The following ACTR5 variants were observed in gnomAD, a reference collection of about 807,000 sequenced individuals.
The protein encoded by ACTR5 is actin related protein 5, also known as actin-related protein 5.
Under a neutral mutation model 61.2 loss-of-function variants are expected in ACTR5, and 43 were observed. The ratio of observed to expected loss-of-function variants is 0.70; its 90% confidence interval spans 0.55 to 0.91. ACTR5 has a LOEUF of 0.91. Among genes scored for constraint, ACTR5 ranks in the 40% least tolerant of loss-of-function variants. ACTR5 has a pLI of 0.00. For synonymous variants in ACTR5, 333 were observed against 310.5 expected, an observed-to-expected ratio of 1.07 and a Z score of -0.76; for missense variants, 798 against 782.2, an observed-to-expected ratio of 1.02 and a Z score of -0.24.
chr20:38,764,403 CAG>C (rs2084473201), intron 5 of ACTR5, among the ~76,000 whole-genome samples: 1 of 152,224 alleles, frequency 6.6e-6, no homozygotes, highest in African/African-American at 2.4e-5. Flanking sequence ...AGTCTAATGA[CAG>C]ATGGCTAAAG....
chr20:38,749,223 CAT>C (rs1374794521), intron 1 of ACTR5, among the ~76,000 whole-genome samples: 1 of 152,122 alleles, frequency 6.6e-6, no homozygotes, highest in East Asian at 1.9e-4. Flanking sequence ...AGACAGTAAA[CAT>C]AGAAATAGTA....
chr20:38,759,677 A>G lies in ACTR5; in HGVS notation c.1176+3638A>G, dbSNP rs2084441908. Among the ~76,000 whole-genome samples the G allele has an allele frequency of 2.0e-5, 3 of 152,162 alleles. No homozygotes were observed. The South Asian group carries it at 6.2e-4, about 32-fold the overall frequency. ...TATCCCAGGGGCCCACCACTCAGTG[A>G]CAGGTGCAGTATACCAGGGATGCAG... On this transcript the variant is annotated intron_variant, in intron 5 of 8. Transcript: ENST00000243903.
chr20:38,753,765 A>G (rs1568634523), intron 3 of ACTR5, among the ~76,000 whole-genome samples: 1 of 151,880 alleles, frequency 6.6e-6, no homozygotes, highest in African/African-American at 2.4e-5. Flanking sequence ...AATTAGTTTT[A>G]ATTATTCATA....
intron 3 of ACTR5, among the ~76,000 whole-genome samples, chr20:38,753,205 CT>C (rs530952163): frequency 1.3e-5 from 2 of 150,904 alleles, no homozygotes; most frequent in Non-Finnish European, 3.0e-5. Context: ...GGTATTGACT[CT>C]TTTTTTTTAG....
At position 38,752,221 on chromosome 20, in the gene ACTR5, G is replaced by T. The variant is rs186272506; in HGVS notation, c.696G>T (p.Gly232=). Residue 232 remains glycine (G), a synonymous_variant, in exon 3 of 9, where the codon GGG becomes GGT. Transcript: ENST00000243903. ...GTCTCCTCCAGCTGAAGTACCCTGGGCACCTGGCAGCCATCACCCTCAGCC... is the reference window on the plus strand; with the variant it reads ...GTCTCCTCCAGCTGAAGTACCCTGGTCACCTGGCAGCCATCACCCTCAGCC... ...LQRLLQLKYP[G]HLAAITLSRM... The T allele has an allele frequency of 1.9e-6, 3 of 1,614,092 alleles. No individual in the cohort carries two copies. The highest frequency in any genetic ancestry group is 3.3e-5 in the Admixed American group (2 of 60,012).
In ACTR5 at chr20:38,752,317, T is replaced by A; in HGVS notation, c.775+17T>A. On this transcript the variant is annotated intron_variant, in intron 3 of 8. Coordinates refer to ENST00000243903, the MANE Select transcript of ACTR5 (RefSeq NM_024855.4). ...ATGTGGAAGGTATCCAAGAGGATGT[T>A]TGCCTGCAGCTTTTGGGTGTTGTCT... The A allele has an allele frequency of 6.3e-7, 1 of 1,577,366 alleles. No homozygotes were observed. The highest frequency in any genetic ancestry group is 8.7e-7 in the Non-Finnish European group (1 of 1,155,014).
chr20:38,771,244 A>G (rs866483752), intron 8 of ACTR5, among the ~76,000 whole-genome samples: 6 of 152,152 alleles, frequency 3.9e-5, no homozygotes, highest in African/African-American at 1.4e-4. Flanking sequence ...GCCAGCCTCC[A>G]CTTCACCTCT....
In ACTR5 at chr20:38,755,019, T is replaced by C; in HGVS notation, c.838T>C (p.Phe280Leu). The change falls in exon 4 of 9, where the codon TTT becomes CTT. Residue 280 changes from phenylalanine (F) to leucine (L), a missense_variant. Physicochemically the swap from Phe to Leu is conservative, Grantham distance 22. Coordinates refer to ENST00000243903, the MANE Select transcript of ACTR5 (RefSeq NM_024855.4). ...TAATGTCCACAAGATGCAGCTCCCATTTTCCAGCAAGCTCCTGGGCAGCAC... is the reference window on the plus strand; with the variant it reads ...TAATGTCCACAAGATGCAGCTCCCACTTTCCAGCAAGCTCCTGGGCAGCAC... ...ENNVHKMQLP[F>L]SSKLLGSTLT... The C allele has an allele frequency of 6.2e-7, 1 of 1,614,166 alleles. No homozygotes were observed. Among genetic ancestry groups the C allele is most frequent in the Non-Finnish European group, 8.5e-7 (1 of 1,179,990 alleles).
At chr20:38,771,507 A>T in intron 8 of ACTR5, 52 bp from the exon 9 acceptor site, 1 of 1,575,860 alleles carries the variant, frequency 6.3e-7, no homozygotes, top group Non-Finnish European at 8.6e-7. Flanking sequence ...CCAGGTCAAC[A>T]TTCACTCCTG....
At chr20:38,757,663 G>C (rs554994611) in intron 5 of ACTR5, among the ~76,000 whole-genome samples, 1 of 151,796 alleles carries the variant, frequency 6.6e-6, no homozygotes, top group African/African-American at 2.4e-5. Context: ...GCAGTGATGG[G>C]CTCCCAGCTG....
intron 5 of ACTR5, among the ~76,000 whole-genome samples, chr20:38,763,910 C>A (rs1014755925): frequency 1.3e-5 from 2 of 152,194 alleles, no homozygotes; most frequent in African/African-American, 4.8e-5. Context: ...ACAAGTCTCA[C>A]ATGAAGAAAC....
chr20:38,767,686 G>A, intron 8 of ACTR5, 90 bp downstream of exon 8: 1 of 1,424,678 alleles, frequency 7.0e-7, no homozygotes, highest in Non-Finnish European at 9.5e-7. Flanking sequence ...AATATCCACT[G>A]TTAACATTTT....
intron 5 of ACTR5, among the ~76,000 whole-genome samples, chr20:38,762,185 C>G (rs915556842): frequency 2.6e-5 from 4 of 152,112 alleles, no homozygotes; most frequent in Admixed American, 2.6e-4. Flanking sequence ...ACTTACCTGT[C>G]TGGTATCTGG....
intron 8 of ACTR5, among the ~76,000 whole-genome samples, chr20:38,771,324 G>A (rs2084518915): frequency 6.6e-6 from 1 of 152,226 alleles, no homozygotes; most frequent in South Asian, 2.1e-4. Flanking sequence ...CTGACCCCGA[G>A]TGTCAGGTCT....
intron 8 of ACTR5, among the ~76,000 whole-genome samples, chr20:38,769,087 C>G (rs1416027383): frequency 2.0e-5 from 3 of 152,146 alleles, no homozygotes; most frequent in African/African-American, 7.2e-5. Context: ...CATCATTCCC[C>G]CTTCCACCCG....
chr20:38,770,799 A>C (rs1318193776), intron 8 of ACTR5, among the ~76,000 whole-genome samples: 1 of 152,194 alleles, frequency 6.6e-6, no homozygotes. Flanking sequence ...CTGAGCCTGC[A>C]CTTTCCCACC....
In ACTR5 at chr20:38,766,220, A is replaced by AACC; in HGVS notation, c.1294-17_1294-15dup. The AACC allele has an allele frequency of 6.3e-7, 1 of 1,598,922 alleles. No individual in the cohort carries two copies. The highest frequency in any genetic ancestry group is 1.3e-5 in the African/African-American group (1 of 74,106). On this transcript the variant is annotated splice_polypyrimidine_tract_variant and intron_variant, in intron 6 of 8. Transcript: ENST00000243903. ...TCATTTGGCCTAAAAATATCTTTTA[A>AACC]ACCTTGGGTTTTTAAAGCCCGTGTT...
chr20:38,758,081 GA>G (rs1237323338), intron 5 of ACTR5, among the ~76,000 whole-genome samples: 1 of 151,752 alleles, frequency 6.6e-6, no homozygotes, highest in Non-Finnish European at 1.5e-5. Context: ...ACAAGCAGAT[GA>G]GGGATTTCAG....
In ACTR5 at chr20:38,766,318, ATC is replaced by A; in HGVS notation, c.1379_1380del (p.Leu460HisfsTer79). The A allele has an allele frequency of 6.2e-7, 1 of 1,614,154 alleles. No individual in the cohort carries two copies. The highest frequency in any genetic ancestry group is 2.2e-5 in the East Asian group (1 of 44,890). On this transcript the variant is annotated frameshift_variant, in exon 7 of 9. Transcript: ENST00000243903. LOFTEE classifies it high-confidence loss of function. The stretch of plus-strand genomic sequence containing the variant: ...GAGCTCCAGAGATTATTTTCCAGCC[ATC>A]TCTCATAGGAGAAGAACAGGCTGGG... ...IRAPEIIFQP[S>X]LIGEEQAGIA...
Sources: allele counts gnomAD v4.1 joint callset (sites outside exome capture counted in the v4.1 genomes callset), GRCh38; gene constraint gnomAD v4.1.1; transcripts MANE v1.5; gene names NCBI Gene and HGNC (gene_info 2026-07-23, HGNC 2026-07-21).